Variants in EMSY observed in about 807,000 individuals in gnomAD.
EMSY encodes the protein EMSY transcriptional repressor, BRCA2 interacting, also known as BRCA2-interacting transcriptional repressor EMSY.
A neutral mutation model predicts 134.6 loss-of-function variants in EMSY; 26 were observed. That is an observed-to-expected ratio of 0.19 (90% CI 0.14 to 0.27). The LOEUF (loss-of-function observed/expected upper bound fraction) is 0.27. Among genes scored for constraint, EMSY ranks in the 10% least tolerant of loss-of-function variants. The probability of loss-of-function intolerance (pLI) is 1.00; values close to 1 mark genes in which losing one functional copy is unlikely to be tolerated. For synonymous variants in EMSY, 579 were observed against 577.8 expected (o/e 1.00, Z -0.03); for missense variants, 1,305 against 1,611.4 (o/e 0.81, Z 3.26).
At chr11:76,479,595 G>A (rs1027207014) in intron 8 of EMSY, among the ~76,000 whole-genome samples, 1 of 152,172 alleles carries the variant, frequency 6.6e-6, no homozygotes, top group South Asian at 2.1e-4. Context: ...TACCCCTGAG[G>A]GGTAATAGTG....
intron 7 of EMSY, among the ~76,000 whole-genome samples, 164 bp from the exon 9 acceptor site, chr11:76,472,398 ATT>A (rs1948609019): frequency 2.0e-5 from 3 of 152,170 alleles, no homozygotes; most frequent in Non-Finnish European, 4.4e-5. Context: ...CATTTTGATG[ATT>A]ACTAGTAAAG....
At chr11:76,547,074 T>C in intron 20 of EMSY, 2 of 455,292 alleles carry the variant, frequency 4.4e-6, no homozygotes, top group Middle Eastern at 3.3e-4. Context: ...TTAGAAGTTG[T>C]ATTTTATCTC....
intron 5 of EMSY, chr11:76,459,682 A>C (rs997628055): frequency 2.4e-6 from 1 of 420,558 alleles, no homozygotes; most frequent in Non-Finnish European, 4.3e-6. Flanking sequence ...ATTTCTTTGT[A>C]ACTGTGTTTT....
Position 76,536,066 on chromosome 11 carries a change from A to G in EMSY, c.2359+7A>G. 6.6e-7 allele frequency: 1 copy of G among 1,522,286 alleles called. No homozygotes were observed. The highest frequency in any genetic ancestry group is 2.0e-5 in the Admixed American group (1 of 50,114). The allele number at this position is 1,522,286 out of a possible 1,614,324, so 94.3% of individuals were successfully genotyped here. On this transcript the variant is annotated splice_region_variant and intron_variant, in intron 15 of 20. Coordinates refer to ENST00000334736, the Ensembl canonical transcript of EMSY. ...GAACTCCAACAGACAACAGGTATGA[A>G]TTCACATGCTCAATTGAATGAAGCA... is the stretch of plus-strand genomic sequence containing the variant.
At position 76,491,177 on chromosome 11, in the gene EMSY, CTTTTTTT is replaced by C. The variant is rs61688457; in HGVS notation, c.1109-5026_1109-5020del. 2.4e-3 allele frequency among the ~76,000 whole-genome samples: 307 copies of C among 129,920 alleles called. 2 individuals are homozygous for C. Among genetic ancestry groups the C allele is most frequent in the Middle Eastern group, 4.1e-3 (1 of 242 alleles). 85.2% of individuals were successfully genotyped at this position (129,920 alleles called of 152,430 possible). On this transcript the variant is annotated intron_variant, in intron 8 of 20. Coordinates refer to ENST00000334736, the Ensembl canonical transcript of EMSY. ...CTCAGCTGATTTCTTCTTCTTTTTTCTTTTTTTTTTTTTTTTTTAAGAGATAGGGGTC... is the reference window on the plus strand; with the variant it reads ...CTCAGCTGATTTCTTCTTCTTTTTTCTTTTTTTTTTTAAGAGATAGGGGTC...
At chr11:76,462,394 A>C (rs1179444235) in intron 6 of EMSY, among the ~76,000 whole-genome samples, 1 of 152,240 alleles carries the variant, frequency 6.6e-6, no homozygotes, top group Non-Finnish European at 1.5e-5. Flanking sequence ...GTAATTGTTT[A>C]TTTACCTAAC....
rs564292481 is a variant in EMSY, at chr11:76,492,307, C to T, written c.1109-3908C>T. Among the ~76,000 whole-genome samples the T allele has an allele frequency of 3.9e-5, 6 of 151,960 alleles. No homozygotes were observed. The South Asian group carries it at 6.2e-4, about 16-fold the overall frequency. On this transcript the variant is annotated intron_variant, in intron 8 of 20. Transcript: ENST00000334736. ...TGGCCAACATGGTGAAACCTCTACT[C>T]GACTAAAAATACAAAAATTAGCCAT...
chr11:76,472,335 C>G (rs1001089032), intron 7 of EMSY, among the ~76,000 whole-genome samples: 79 of 152,166 alleles, frequency 5.2e-4, no homozygotes, highest in African/African-American at 1.8e-3. Context: ...TCTTATACAG[C>G]GTTGATGTTA....
chr11:76,520,120 A>C (rs1168713774), intron 11 of EMSY, among the ~76,000 whole-genome samples: 1 of 152,110 alleles, frequency 6.6e-6, no homozygotes, highest in Non-Finnish European at 1.5e-5. Context: ...AAACATGTTC[A>C]CTAGAATTTC....
At chr11:76,446,084 C>T (rs1173217352) in intron 1 of EMSY, among the ~76,000 whole-genome samples, 1 of 152,032 alleles carries the variant, frequency 6.6e-6, no homozygotes, top group Non-Finnish European at 1.5e-5. Context: ...TCGTTTTGCT[C>T]AGTCGCGTCA....
At chr11:76,515,943 T>A (rs1208107233) in intron 10 of EMSY, among the ~76,000 whole-genome samples, 199 bp from the exon 12 acceptor site, 1 of 152,238 alleles carries the variant, frequency 6.6e-6, no homozygotes, top group Non-Finnish European at 1.5e-5. Flanking sequence ...GTAAAATTAA[T>A]TTAAATTGAC....
intron 8 of EMSY, among the ~76,000 whole-genome samples, chr11:76,488,308 A>G (rs1244403108): frequency 1.3e-5 from 2 of 152,204 alleles, no homozygotes; most frequent in Non-Finnish European, 2.9e-5. Context: ...TCTACAAAAA[A>G]TGCAAAAATT....
At chr11:76,530,838 T>C (rs1951015621) in intron 14 of EMSY, among the ~76,000 whole-genome samples, 1 of 152,244 alleles carries the variant, frequency 6.6e-6, no homozygotes, top group Non-Finnish European at 1.5e-5. Flanking sequence ...ATGAGAATAT[T>C]CCTACTTATT....
rs141424575 is a variant in EMSY at position 76,526,318 on chromosome 11, G to A, written c.1822-144G>A. On this transcript the variant is annotated intron_variant, in intron 12 of 20. Coordinates refer to ENST00000334736, the Ensembl canonical transcript of EMSY. The stretch of plus-strand genomic sequence containing the variant: ...CATTTCAACCAAGTCTACGATTTTT[G>A]ATTTCCTGGAAACATTATACTTTGT... 3.0e-4 allele frequency: 159 copies of A among 526,968 alleles called. 1 individual carries two copies. Among genetic ancestry groups the A allele is most frequent in the African/African-American group, 2.7e-3 (136 of 50,782 alleles). The allele number at this position is 526,968 out of a possible 1,614,324, so 32.6% of individuals were successfully genotyped here.
At chr11:76,533,378 G>A (rs574274404) in intron 14 of EMSY, among the ~76,000 whole-genome samples, 99 of 152,226 alleles carry the variant, frequency 6.5e-4, no homozygotes, top group East Asian at 5.0e-3. Context: ...ACCTAGAAGC[G>A]CTAAGTAGAA....
At chr11:76,545,319 G>A (rs1434230779) in intron 19 of EMSY, among the ~76,000 whole-genome samples, 1 of 152,006 alleles carries the variant, frequency 6.6e-6, no homozygotes, top group African/African-American at 2.4e-5. Context: ...ATAATTGAAA[G>A]CAAAATTATA....
intron 14 of EMSY, among the ~76,000 whole-genome samples, chr11:76,532,276 C>G (rs182942887): frequency 1.4e-4 from 21 of 151,916 alleles, no homozygotes; most frequent in Admixed American, 1.0e-3. Flanking sequence ...AATAGCAGAG[C>G]AGCAACCATA....
chr11:76,542,433 ATCTTGTATT>A, intron 18 of EMSY, 66 bp downstream of exon 19: 3 of 1,542,768 alleles, frequency 1.9e-6, no homozygotes, highest in Non-Finnish European at 2.7e-6. Flanking sequence ...ATTCAGTGTC[ATCTTGTATT>A]TTAAGAGGAG....
At chr11:76,472,740 T>C (rs1360365838) in exon 8 of EMSY, 2 of 1,613,978 alleles carry the variant, frequency 1.2e-6, no homozygotes, top group Admixed American at 1.7e-5. Flanking sequence ...ATAGCAGCAG[T>C]GGCAGCAGCA....
Sources: gnomAD v4.1 joint callset for allele counts (sites outside exome capture counted in the v4.1 genomes callset) on GRCh38, gnomAD v4.1.1 for gene constraint, MANE v1.5 for transcripts, NCBI Gene and HGNC (gene_info 2026-07-23, HGNC 2026-07-21) for gene names.